Variants in CCNYL1 observed in about 807,000 individuals in gnomAD.
CCNYL1 encodes cyclin Y like 1.
CCNYL1 carries 16 observed loss-of-function variants against 44.2 expected under a neutral mutation model. The ratio of observed to expected loss-of-function variants is 0.36; its 90% confidence interval spans 0.25 to 0.55. The LOEUF (loss-of-function observed/expected upper bound fraction) is 0.55. Ranked by LOEUF, CCNYL1 falls within the 20% of genes least tolerant of loss-of-function variation. The pLI is 0.85. For synonymous variants in CCNYL1, 159 were observed against 163.2 expected (o/e 0.97, Z 0.20); for missense variants, 348 against 451.8 (o/e 0.77, Z 2.08).
intron 5 of CCNYL1, among the ~76,000 whole-genome samples, chr2:207,738,617 C>T (rs902374633): frequency 1.3e-5 from 2 of 152,216 alleles, no homozygotes; most frequent in Non-Finnish European, 2.9e-5. Context: ...TATTAGTACT[C>T]ACCCATCTGT....
At chr2:207,753,473 G>A (rs947048572) in intron 9 of CCNYL1, 115 bp from the exon 10 acceptor site, 227 of 644,292 alleles carry the variant, frequency 3.5e-4, no homozygotes, top group Non-Finnish European at 7.9e-5. Context: ...CAAAGTAGCT[G>A]TAACTGTGAA....
chr2:207,737,507 C>T (rs186442215), intron 5 of CCNYL1, 61 bp downstream of exon 5: 3 of 1,309,810 alleles, frequency 2.3e-6, no homozygotes, highest in East Asian at 4.6e-5. Flanking sequence ...ATATCAAGTT[C>T]AGTATTAGGT....
intron 6 of CCNYL1, 101 bp downstream of exon 6, chr2:207,740,807 A>G (rs1575219965): frequency 1.4e-6 from 1 of 700,344 alleles, no homozygotes; most frequent in East Asian, 2.7e-5. Context: ...CATGATCTCT[A>G]TGAAGATAAT....
chr2:207,722,848 A>T lies in CCNYL1; in HGVS notation c.221-1952A>T, dbSNP rs181998489. 5.1e-3 allele frequency among the ~76,000 whole-genome samples: 778 copies of T among 152,106 alleles called. 7 individuals are homozygous for T. The highest frequency in any genetic ancestry group is 0.017 in the African/African-American group (724 of 41,518). On this transcript the variant is annotated intron_variant, in intron 1 of 9. Transcript: ENST00000295414. ...GTGATGCGTGCCTGTAGTCCCAGCT[A>T]GTTGGGAGGCTGAGGCAGGAGAATC...
rs1481978201 is a variant in CCNYL1 at position 207,754,875 on chromosome 2, G to C, written c.*1177G>C. The C allele has an allele frequency of 1.3e-5, 2 of 152,224 alleles. No individual in the cohort carries two copies. Among genetic ancestry groups the C allele is most frequent in the African/African-American group, 2.4e-5 (1 of 41,392 alleles). The allele number at this position is 152,224 out of a possible 1,614,324, so 9.4% of individuals were successfully genotyped here. Reference sequence around the variant, plus strand: ...CATTGACTGAAACAAAAAATTAAAAGCTTTATATTCAAAATTTGCAAAATG... The same window carrying C: ...CATTGACTGAAACAAAAAATTAAAACCTTTATATTCAAAATTTGCAAAATG... On this transcript the variant is annotated 3_prime_UTR_variant, in exon 10 of 10. Coordinates refer to ENST00000295414, the MANE Select transcript of CCNYL1 (RefSeq NM_001330218.2).
intron 9 of CCNYL1, among the ~76,000 whole-genome samples, chr2:207,751,912 G>T (rs998980558): frequency 6.6e-6 from 1 of 151,652 alleles, no homozygotes; most frequent in African/African-American, 2.4e-5. Flanking sequence ...GTGCATGCCT[G>T]TAATCCCAGC....
At chr2:207,729,244 G>T in intron 3 of CCNYL1, among the ~76,000 whole-genome samples, 1 of 114,628 alleles carries the variant, frequency 8.7e-6, no homozygotes, top group African/African-American at 4.3e-5. Flanking sequence ...ATCTTTACTT[G>T]TCTCCGCCCC....
At chr2:207,725,905 A>C (rs1003550735) in intron 2 of CCNYL1, among the ~76,000 whole-genome samples, 1 of 152,234 alleles carries the variant, frequency 6.6e-6, no homozygotes, top group Non-Finnish European at 1.5e-5. Context: ...GCAAGAATAC[A>C]AGAAGTGGGG....
At chr2:207,721,474 T>TA (rs2105820367) in intron 1 of CCNYL1, among the ~76,000 whole-genome samples, 1 of 152,364 alleles carries the variant, frequency 6.6e-6, no homozygotes, top group Admixed American at 6.5e-5. Flanking sequence ...AGATGGCTGA[T>TA]AGATTCAAGG....
rs2091912819 is a variant in CCNYL1 at position 207,753,937 on chromosome 2, A to G, written c.*239A>G. The stretch of plus-strand genomic sequence containing the variant: ...AAACAGAGTTACAAAAACCACTCCA[A>G]AGTGAAGGCTCCCATCCTACACACA... On this transcript the variant is annotated 3_prime_UTR_variant, in exon 10 of 10. Coordinates refer to ENST00000295414, the MANE Select transcript of CCNYL1 (RefSeq NM_001330218.2). 1 of 389,170 alleles carries G rather than the reference A, an allele frequency of 2.6e-6. No homozygotes were observed. Among genetic ancestry groups the G allele is most frequent in the African/African-American group, 2.1e-5 (1 of 48,560 alleles). 24.1% of individuals were successfully genotyped at this position (389,170 alleles called of 1,614,324 possible). A position where few individuals can be genotyped will look rare whatever the true frequency, so the allele number is the denominator to read the frequency against.
At chr2:207,729,692 C>T (rs2091710679) in intron 3 of CCNYL1, among the ~76,000 whole-genome samples, 1 of 151,688 alleles carries the variant, frequency 6.6e-6, no homozygotes, top group African/African-American at 2.4e-5. Context: ...CCTTTCCTTT[C>T]TCCTGTCCTA....
At chr2:207,748,564 G>T (rs1381371414) in intron 8 of CCNYL1, among the ~76,000 whole-genome samples, 2 of 152,204 alleles carry the variant, frequency 1.3e-5, no homozygotes, top group Non-Finnish European at 2.9e-5. Flanking sequence ...GGCTTTGTGG[G>T]TGGCATTTAG....
At chr2:207,741,271 A>C (rs114883823) in intron 6 of CCNYL1, among the ~76,000 whole-genome samples, 4,170 of 152,106 alleles carry the variant, frequency 0.027, 197 homozygotes, top group African/African-American at 0.096. Flanking sequence ...AAAATTTTTC[A>C]AAGTGTATTT....
chr2:207,751,854 CAAAA>C (rs147183127), intron 9 of CCNYL1, among the ~76,000 whole-genome samples: 3,923 of 94,514 alleles, frequency 0.042, 234 homozygotes, highest in East Asian at 0.19. Flanking sequence ...AACTCCATCT[CAAAA>C]AAAAAAAAAA....
At chr2:207,744,478 C>T (rs922095506) in intron 7 of CCNYL1, among the ~76,000 whole-genome samples, 51 of 152,014 alleles carry the variant, frequency 3.4e-4, no homozygotes, top group African/African-American at 1.1e-3. Flanking sequence ...GCAATTCTCC[C>T]TGCCTCAGCC....
At chr2:207,735,090 C>A (rs905356997) in intron 4 of CCNYL1, among the ~76,000 whole-genome samples, 1 of 152,174 alleles carries the variant, frequency 6.6e-6, no homozygotes, top group African/African-American at 2.4e-5. Context: ...TAAAGATTAA[C>A]CTTGCTCAAA....
At chr2:207,740,570 A>G (rs2091801022) in intron 5 of CCNYL1, 85 bp from the exon 6 acceptor site, 1 of 885,738 alleles carries the variant, frequency 1.1e-6, no homozygotes, top group East Asian at 2.4e-5. Context: ...AACAGGAGGC[A>G]TCTCCCGCCA....
chr2:207,725,064 A>C (rs1187578287), intron 2 of CCNYL1, among the ~76,000 whole-genome samples, 190 bp downstream of exon 2: 1 of 149,582 alleles, frequency 6.7e-6, no homozygotes, highest in Non-Finnish European at 1.5e-5. Flanking sequence ...ATGTAGACCT[A>C]TTTACAGGTT....
At chr2:207,733,719 TATA>T (rs1303456974) in intron 3 of CCNYL1, among the ~76,000 whole-genome samples, 11 of 152,214 alleles carry the variant, frequency 7.2e-5, no homozygotes, top group African/African-American at 2.7e-4. Flanking sequence ...CAGGTTTGAT[TATA>T]GGTACCACAA....
Sources: allele counts gnomAD v4.1 joint callset (sites outside exome capture counted in the v4.1 genomes callset), GRCh38; gene constraint gnomAD v4.1.1; transcripts MANE v1.5; gene names NCBI Gene and HGNC (gene_info 2026-07-23, HGNC 2026-07-21).